The following PLK5 variants were observed in gnomAD, a reference collection of about 807,000 sequenced individuals.
PLK5 encodes polo like kinase 5 (inactive), also known as inactive serine/threonine-protein kinase PLK5.
PLK5 carries 28 observed loss-of-function variants against 33.7 expected under a neutral mutation model. The observed-to-expected ratio is 0.83, with a 90% confidence interval of 0.62 to 1.14. The LOEUF is 1.14. Ranked by LOEUF, PLK5 falls within the 50% of genes most tolerant of loss-of-function variation. PLK5 has a pLI of 0.00. For synonymous variants in PLK5, 225 were observed against 202.2 expected (o/e 1.11, Z -0.96); for missense variants, 492 against 461.5 (o/e 1.07, Z -0.61).
intron 11 of PLK5, 137 bp from the exon 12 acceptor site, chr19:1,531,601 C>T (rs1913929830): frequency 1.9e-6 from 2 of 1,029,286 alleles, no homozygotes; most frequent in Non-Finnish European, 2.7e-6. Context: ...GAATCCACCA[C>T]CGAAGCCCCC....
chr19:1,534,464 G>A (rs1270931644), intron 13 of PLK5, among the ~76,000 whole-genome samples: 1 of 141,060 alleles, frequency 7.1e-6, no homozygotes, highest in African/African-American at 2.7e-5. Context: ...CCGAGATCAC[G>A]CCACAGCACT....
Position 1,535,326 on chromosome 19 carries a change from C to G in PLK5, c.*76C>G, listed in dbSNP as rs1891507316. On this transcript the variant is annotated 3_prime_UTR_variant, in exon 14 of 14. Coordinates refer to ENST00000454744, the MANE Select transcript of PLK5 (RefSeq NM_001243079.2). The stretch of plus-strand genomic sequence containing the variant: ...GCTCCATTTCCATTCCTGTGGCTCC[C>G]CCAGAGGGGCTGTCCTGGGGGAGGG... 1 of 1,440,718 alleles carries G rather than the reference C, an allele frequency of 6.9e-7. No homozygotes were observed. The highest frequency in any genetic ancestry group is 2.5e-5 in the Admixed American group (1 of 40,304). The allele number at this position is 1,440,718 out of a possible 1,614,324, so 89.2% of individuals were successfully genotyped here.
At chr19:1,533,187 G>C (rs941223266) in intron 12 of PLK5, among the ~76,000 whole-genome samples, 5 of 151,634 alleles carry the variant, frequency 3.3e-5, no homozygotes, top group African/African-American at 4.9e-5. Flanking sequence ...GTGCAATCTC[G>C]GCTCAGCGCA....
At chr19:1,534,600 T>TA (rs1236014084) in intron 13 of PLK5, among the ~76,000 whole-genome samples, 2 of 142,806 alleles carry the variant, frequency 1.4e-5, no homozygotes, top group African/African-American at 2.6e-5. Context: ...GGTCAGGAGA[T>TA]AGAGACCATC....
chr19:1,528,784 G>A (rs930279707), intron 8 of PLK5, 114 bp from the exon 9 acceptor site: 3 of 923,300 alleles, frequency 3.2e-6, no homozygotes, highest in African/African-American at 3.5e-5. Context: ...GCCCACAACT[G>A]CCACCTGCTC....
chr19:1,529,379 C>A (rs1352935592), intron 9 of PLK5, 27 bp from the exon 10 acceptor site: 2 of 1,527,688 alleles, frequency 1.3e-6, no homozygotes, highest in South Asian at 1.2e-5. Flanking sequence ...GCCGGGGCCA[C>A]CCCCACCCCT....
In PLK5 at chr19:1,535,310, C is replaced by A; in HGVS notation, c.*60C>A. The A allele has an allele frequency of 6.8e-7, 1 of 1,476,124 alleles. No homozygotes were observed. Among genetic ancestry groups the A allele is most frequent in the South Asian group, 1.3e-5 (1 of 78,360 alleles). 91.4% of individuals were successfully genotyped at this position (1,476,124 alleles called of 1,614,324 possible). The stretch of plus-strand genomic sequence containing the variant: ...AGTGCCAGGGACCCAGGCTCCATTT[C>A]CATTCCTGTGGCTCCCCCAGAGGGG... On this transcript the variant is annotated 3_prime_UTR_variant, in exon 14 of 14. Coordinates refer to ENST00000454744, the MANE Select transcript of PLK5 (RefSeq NM_001243079.2).
chr19:1,534,154 G>GT, intron 13 of PLK5, 113 bp downstream of exon 13: 14 of 462,056 alleles, frequency 3.0e-5, no homozygotes, highest in Non-Finnish European at 4.7e-5. Flanking sequence ...TTGCCTCCCA[G>GT]GAAAAAAAAA....
chr19:1,526,653 G>A (rs1310995934), intron 4 of PLK5, 38 bp downstream of exon 4: 6 of 375,994 alleles, frequency 1.6e-5, no homozygotes, highest in East Asian at 1.3e-4. Flanking sequence ...CGGGGGCGTC[G>A]GGAGGTGGGC....
At chr19:1,529,040 C>T (rs1010479522) in intron 9 of PLK5, 66 bp downstream of exon 9, 6 of 1,361,574 alleles carry the variant, frequency 4.4e-6, no homozygotes, top group Non-Finnish European at 4.9e-6. Flanking sequence ...CTGCTAAAAC[C>T]CCCTCCCCCA....
In PLK5 at chr19:1,525,592, C is replaced by G. The variant is rs1398283756; in HGVS notation, c.-429-3C>G. 6.6e-6 allele frequency: 1 copy of G among 152,628 alleles called. No homozygotes were observed. Among genetic ancestry groups the G allele is most frequent in the African/African-American group, 2.4e-5 (1 of 41,436 alleles). The allele number at this position is 152,628 out of a possible 1,614,324, so 9.5% of individuals were successfully genotyped here. A position where few individuals can be genotyped will look rare whatever the true frequency, so the allele number is the denominator to read the frequency against. Reference sequence around the variant, plus strand: ...CGGGTACATGTCGGGGCCGTGCCTGCAGGTGGAGCGTGAGATTGCCCTGCA... The same window carrying G: ...CGGGTACATGTCGGGGCCGTGCCTGGAGGTGGAGCGTGAGATTGCCCTGCA... On this transcript the variant is annotated splice_region_variant and splice_polypyrimidine_tract_variant and intron_variant, in intron 2 of 13. Coordinates refer to ENST00000454744, the MANE Select transcript of PLK5 (RefSeq NM_001243079.2).
At chr19:1,532,105 G>GGGGGAA (rs1274735652) in intron 12 of PLK5, among the ~76,000 whole-genome samples, 3 of 152,180 alleles carry the variant, frequency 2.0e-5, no homozygotes, top group African/African-American at 7.2e-5. Context: ...AGTGTGGGTA[G>GGGGGAA]GGGGAAGGGG....
In PLK5 at chr19:1,526,613, TCAG is replaced by T; in HGVS notation, c.-184_-183+1del. On this transcript the variant is annotated splice_donor_variant and 5_prime_UTR_variant, in exon 4 of 14. Transcript: ENST00000454744. LOFTEE classifies it low-confidence loss of function (5UTR_SPLICE). ...TGCATCCTGCACCGCGACCTGAAGC[TCAG>T]TGAGTGCCAGGAAGGGGAACTGTGG... 2.8e-6 allele frequency: 1 copy of T among 351,036 alleles called. No individual in the cohort carries two copies. Among genetic ancestry groups the T allele is most frequent in the Non-Finnish European group, 5.5e-6 (1 of 182,610 alleles). The allele number at this position is 351,036 out of a possible 1,614,324, so 21.7% of individuals were successfully genotyped here.
In PLK5 at chr19:1,528,070, T is replaced by C. The variant is rs1377772822; in HGVS notation, c.137T>C (p.Leu46Pro). The change falls in exon 7 of 14, where the codon CTA becomes CCA. Residue 46 changes from leucine (L) to proline (P), a missense_variant. Transcript: ENST00000454744. The stretch of plus-strand genomic sequence containing the variant: ...GCGCGCCGCCTCATCGTGCACCTCC[T>C]AGCACCCAACCCGGCCGAGCGGCCC... The part of the protein sequence containing the change: ...ANARRLIVHL[L>P]APNPAERPSL... The C allele has an allele frequency of 1.3e-6, 2 of 1,536,000 alleles. No individual in the cohort carries two copies. Among genetic ancestry groups the C allele is most frequent in the Admixed American group, 3.9e-5 (2 of 50,992 alleles).
chr19:1,534,970 TG>T, intron 13 of PLK5, 94 bp from the exon 14 acceptor site: 1 of 1,202,982 alleles, frequency 8.3e-7, no homozygotes, highest in Non-Finnish European at 1.1e-6. Flanking sequence ...CTGGGGGCTC[TG>T]GGTCCAGTGT....
intron 12 of PLK5, 29 bp downstream of exon 12, chr19:1,531,912 G>A (rs1913943445): frequency 1.4e-6 from 2 of 1,430,932 alleles, no homozygotes; most frequent in East Asian, 2.7e-5. Context: ...TGCCCTGGGG[G>A]ACCAGGCACT....
intron 9 of PLK5, 115 bp downstream of exon 9, chr19:1,529,089 C>T (rs952240082): frequency 2.6e-5 from 23 of 875,792 alleles, no homozygotes; most frequent in South Asian, 7.3e-5. Context: ...TCTCCAAGCC[C>T]GGCCCCCTCC....
At chr19:1,530,467 C>T (rs1005311691) in intron 11 of PLK5, among the ~76,000 whole-genome samples, 3 of 151,808 alleles carry the variant, frequency 2.0e-5, no homozygotes, top group African/African-American at 7.3e-5. Flanking sequence ...CTGCTAATTT[C>T]TGTATTCTTT....
chr19:1,527,907 C>G, intron 6 of PLK5, 29 bp from the exon 7 acceptor site: 3 of 1,524,720 alleles, frequency 2.0e-6, no homozygotes, highest in South Asian at 2.4e-5. Context: ...TGCCTGGACA[C>G]CCAGGTTCTT....
Sources: gnomAD v4.1 joint callset for allele counts (sites outside exome capture counted in the v4.1 genomes callset) on GRCh38, gnomAD v4.1.1 for gene constraint, MANE v1.5 for transcripts, NCBI Gene and HGNC (gene_info 2026-07-23, HGNC 2026-07-21) for gene names.